LIMK2: variants seen among roughly 807,000 people sequenced by gnomAD.
LIMK2 encodes the protein LIM domain kinase 2.
LIMK2 carries 35 observed loss-of-function variants against 75.7 expected under a neutral mutation model. The ratio of observed to expected loss-of-function variants is 0.46; its 90% CI spans 0.35 to 0.61. The LOEUF is 0.61. LIMK2 is among the 20% of genes least tolerant of loss of function. LIMK2 has a pLI of 0.00. For synonymous variants in LIMK2, 301 were observed against 319.2 expected (o/e 0.94, Z 0.61); for missense variants, 623 against 831.0 (o/e 0.75, Z 3.08).
At chr22:31,237,892 G>A (rs1396898724) in intron 2 of LIMK2, among the ~76,000 whole-genome samples, 1 of 151,314 alleles carries the variant, frequency 6.6e-6, no homozygotes, top group Non-Finnish European at 1.5e-5. Flanking sequence ...ATCATTTGAG[G>A]TCAGGAGTTC....
chr22:31,263,222 C>T (rs1188002823), intron 7 of LIMK2, among the ~76,000 whole-genome samples: 1 of 152,128 alleles, frequency 6.6e-6, no homozygotes, highest in Non-Finnish European at 1.5e-5. Flanking sequence ...ACCCCCAAAC[C>T]CCAGATTCTG....
rs992327983 is a variant in LIMK2, at chr22:31,262,766, G to A, written c.829G>A (p.Gly277Arg). The change falls in exon 7 of 16, where the codon GGG (glycine) becomes AGG (arginine). Residue 277 changes from glycine (G) to arginine (R), a missense_variant. Around this residue, in one of 3 missense-constraint regions of LIMK2, gnomAD observed 514 missense variants for 661.3 expected, o/e 0.78. Coordinates refer to ENST00000331728, the MANE Select transcript of LIMK2 (RefSeq NM_005569.4). The surrounding 1 kb of genome is among the most constrained non-coding windows in gnomAD (Gnocchi z 5.0). ...CCTGGACACCAAGGAGAATCTGGAGGGGACACTGAGGAGACGTTCCCTAAG... is the reference window on the plus strand; with the variant it reads ...CCTGGACACCAAGGAGAATCTGGAGAGGACACTGAGGAGACGTTCCCTAAG... ...STLDTKENLE[G>R]TLRRRSLRRS... 6.2e-7 allele frequency: 1 copy of A among 1,611,918 alleles called. No individual in the cohort carries two copies. The highest frequency in any genetic ancestry group is 1.3e-5 in the African/African-American group (1 of 74,966).
At position 31,262,326 on chromosome 22, in the gene LIMK2, A is replaced by G. The variant is rs1279886569; in HGVS notation, c.657+87A>G. On this transcript the variant is annotated intron_variant, in intron 6 of 15. Coordinates refer to ENST00000331728, the MANE Select transcript of LIMK2 (RefSeq NM_005569.4). This position sits in a 1 kb window ranked among gnomAD's most constrained non-coding sequence, Gnocchi z 5.0. ...CAGGCTGTAGCCTTTACCTTTTCCT[A>G]CCCCCAGCCCATCTCTTTGTCTTAG... The G allele has an allele frequency of 3.7e-6, 4 of 1,090,160 alleles. No homozygotes were observed. The highest frequency in any genetic ancestry group is 3.6e-5 in the Admixed American group (2 of 56,204). The allele number at this position is 1,090,160 out of a possible 1,614,324, so 67.5% of individuals were successfully genotyped here.
At chr22:31,274,095 T>A (rs1249440025) in intron 14 of LIMK2, among the ~76,000 whole-genome samples, 1 of 151,458 alleles carries the variant, frequency 6.6e-6, no homozygotes, top group African/African-American at 2.4e-5. Flanking sequence ...GACTCAGAAT[T>A]CCAGAAGGAA....
intron 1 of LIMK2, among the ~76,000 whole-genome samples, chr22:31,215,810 A>T (rs2048384719): frequency 6.6e-6 from 1 of 152,174 alleles, no homozygotes; most frequent in South Asian, 2.1e-4. Flanking sequence ...CCATCTCTTA[A>T]AAAAAAGAAA....
At chr22:31,271,090 A>T (rs932478455) in intron 11 of LIMK2, 46 bp from the exon 12 acceptor site, 1 of 1,539,418 alleles carries the variant, frequency 6.5e-7, no homozygotes, top group Non-Finnish European at 9.0e-7. Context: ...TTCAGGGTCT[A>T]GTTGATTTGC....
intron 12 of LIMK2, 129 bp from the exon 13 acceptor site, chr22:31,272,401 C>CGG: frequency 1.2e-6 from 1 of 856,438 alleles, no homozygotes; most frequent in South Asian, 1.9e-5. Flanking sequence ...ATAGAGCTTT[C>CGG]TGCTCTGATT....
At chr22:31,219,444 C>G (rs891729591) in intron 1 of LIMK2, among the ~76,000 whole-genome samples, 1 of 152,182 alleles carries the variant, frequency 6.6e-6, no homozygotes, top group African/African-American at 2.4e-5. Context: ...TTAAAAGCAA[C>G]AAATTCCAAT....
chr22:31,270,917 T>C (rs572002852), intron 11 of LIMK2, among the ~76,000 whole-genome samples: 1 of 152,190 alleles, frequency 6.6e-6, no homozygotes, highest in Non-Finnish European at 1.5e-5. Flanking sequence ...AACCAAAGGA[T>C]GGGCAGGAGA....
chr22:31,248,441 T>G, intron 2 of LIMK2: 3 of 1,458,532 alleles, frequency 2.1e-6, no homozygotes, highest in Non-Finnish European at 2.7e-6. Context: ...CACAGAGAGG[T>G]CGTTTTCTCG....
At position 31,278,628 on chromosome 22, in the gene LIMK2, A is replaced by C; in HGVS notation, c.*187A>C. 1 of 489,106 alleles carries C rather than the reference A, an allele frequency of 2.0e-6. No homozygotes were observed. The highest frequency in any genetic ancestry group is 3.5e-6 in the Non-Finnish European group (1 of 284,620). The allele number at this position is 489,106 out of a possible 1,614,324, so 30.3% of individuals were successfully genotyped here. A position where few individuals can be genotyped will look rare whatever the true frequency, so the allele number is the denominator to read the frequency against. ...CAGCACCAGGGAAATGTATCTCCAC[A>C]GGTTCTGGGGCCTAGTTACTGTCTG... On this transcript the variant is annotated 3_prime_UTR_variant, in exon 16 of 16. Transcript: ENST00000331728.
intron 15 of LIMK2, chr22:31,276,942 C>T (rs1489282145): frequency 1.2e-6 from 2 of 1,613,712 alleles, no homozygotes; most frequent in African/African-American, 2.7e-5. Context: ...TCACGCGCCT[C>T]TACGACTGCC....
rs1157869585 is a variant in LIMK2 at position 31,263,688 on chromosome 22, AAT to A, written c.854+899_854+900del. Among the ~76,000 whole-genome samples the A allele has an allele frequency of 3.9e-3, 593 of 150,560 alleles. 1 individual carries two copies. Among genetic ancestry groups the A allele is most frequent in the African/African-American group, 0.013 (548 of 40,822 alleles). On this transcript the variant is annotated intron_variant, in intron 7 of 15. Coordinates refer to ENST00000331728, the MANE Select transcript of LIMK2 (RefSeq NM_005569.4). ...GACACTGTCTCTACAAAAAAAAAAT[AAT>A]AATAATAATTGTTTTTAATTAGATG...
intron 13 of LIMK2, chr22:31,273,013 TGTG>T: frequency 8.6e-7 from 1 of 1,162,194 alleles, no homozygotes; most frequent in Middle Eastern, 3.6e-4. Flanking sequence ...AGAACTGAAG[TGTG>T]GTGCCCTCTG....
chr22:31,270,376 G>A (rs574982604), intron 11 of LIMK2, among the ~76,000 whole-genome samples: 2 of 152,276 alleles, frequency 1.3e-5, no homozygotes, highest in Middle Eastern at 3.4e-3. Flanking sequence ...CACTCCCTCA[G>A]GCAGGCAGGC....
chr22:31,241,703 G>T (rs995975727), intron 2 of LIMK2, among the ~76,000 whole-genome samples: 1 of 152,140 alleles, frequency 6.6e-6, no homozygotes, highest in Admixed American at 6.5e-5. Flanking sequence ...CCCATACCAG[G>T]TGTCCACAGA....
At chr22:31,226,458 C>G (rs985220450) in intron 2 of LIMK2, among the ~76,000 whole-genome samples, 2 of 26,566 alleles carry the variant, frequency 7.5e-5, no homozygotes, top group African/African-American at 6.7e-4. Context: ...CCACCTCGAC[C>G]TCCCAAAGTG....
chr22:31,273,807 C>A (rs1326517199), intron 14 of LIMK2, among the ~76,000 whole-genome samples: 1 of 152,110 alleles, frequency 6.6e-6, no homozygotes, highest in Non-Finnish European at 1.5e-5. Context: ...AAGTGATTCT[C>A]CTGCCTCAGC....
In LIMK2 at chr22:31,279,530, A is replaced by G. The variant is rs1239166975; in HGVS notation, c.*1089A>G. On this transcript the variant is annotated 3_prime_UTR_variant, in exon 16 of 16. Transcript: ENST00000331728. The stretch of plus-strand genomic sequence containing the variant: ...GAGAGATAGCTCCCTGAGCTGGGCC[A>G]TCTGACTTCTACCTCCCATGTTTGC... 1 of 152,256 alleles carries G rather than the reference A, an allele frequency of 6.6e-6. No homozygotes were observed. The allele number at this position is 152,256 out of a possible 1,614,324, so 9.4% of individuals were successfully genotyped here.
Sources: allele counts gnomAD v4.1 joint callset (sites outside exome capture counted in the v4.1 genomes callset), GRCh38; gene constraint gnomAD v4.1.1; regional missense constraint gnomAD v4.1.1; non-coding constraint Gnocchi (gnomAD v3.1); transcripts MANE v1.5; gene names NCBI Gene and HGNC (gene_info 2026-07-23, HGNC 2026-07-21).